The following BMAL1 variants were observed in gnomAD, a reference collection of about 807,000 sequenced individuals.
BMAL1 encodes basic helix-loop-helix ARNT-like protein 1.
At chr11:13,313,363 C>T in the BMAL1 span, among the ~76,000 whole-genome samples, 2 of 152,150 alleles carry the variant, frequency 1.3e-5, no homozygotes, top group Non-Finnish European at 2.9e-5. Flanking sequence ...TCACCTCTGT[C>T]TTGAAGACAC....
chr11:13,319,035 C>G, the BMAL1 span, among the ~76,000 whole-genome samples: 27 of 152,256 alleles, frequency 1.8e-4, no homozygotes, highest in African/African-American at 6.3e-4. Context: ...TCTCTCCACC[C>G]CTACCCTTTG....
the BMAL1 span, among the ~76,000 whole-genome samples, chr11:13,359,492 T>C: frequency 6.6e-6 from 1 of 152,254 alleles, no homozygotes; most frequent in African/African-American, 2.4e-5. Flanking sequence ...TAACATGGGT[T>C]AAATTATTAT....
the BMAL1 span, among the ~76,000 whole-genome samples, chr11:13,359,011 CT>C: frequency 1.3e-5 from 2 of 152,188 alleles, no homozygotes; most frequent in Admixed American, 6.5e-5. Flanking sequence ...ATCATGGTTC[CT>C]TTGAAAAGTG....
chr11:13,292,663 G>C, the BMAL1 span, among the ~76,000 whole-genome samples: 1 of 152,148 alleles, frequency 6.6e-6, no homozygotes, highest in Non-Finnish European at 1.5e-5. Flanking sequence ...TGGGATACCA[G>C]GTGAGTCCCT....
chr11:13,363,694 G>A, the BMAL1 span, among the ~76,000 whole-genome samples: 6 of 152,182 alleles, frequency 3.9e-5, no homozygotes, highest in Non-Finnish European at 7.3e-5. Flanking sequence ...CAATGTCTAC[G>A]TTAGTCTACT....
chr11:13,291,102 G>C, the BMAL1 span, among the ~76,000 whole-genome samples: 1 of 152,204 alleles, frequency 6.6e-6, no homozygotes, highest in African/African-American at 2.4e-5. Flanking sequence ...CTGTAGGTCA[G>C]TTTTTCAAAG....
the BMAL1 span, chr11:13,358,408 A>C: frequency 6.7e-7 from 1 of 1,490,194 alleles, no homozygotes; most frequent in Non-Finnish European, 9.0e-7. Context: ...ATTTTATAAG[A>C]AATCGTTTTT....
chr11:13,357,126 G>A, the BMAL1 span: 1,675 of 1,613,642 alleles, frequency 1.0e-3, 27 homozygotes, highest in Non-Finnish European at 2.5e-4. This position sits in a 1 kb window ranked among gnomAD's most constrained non-coding sequence, Gnocchi z 4.8. Flanking sequence ...TGTCTACAAA[G>A]CATCCTAGTT....
chr11:13,280,364 A>G, the BMAL1 span, among the ~76,000 whole-genome samples: 1 of 152,258 alleles, frequency 6.6e-6, no homozygotes, highest in Non-Finnish European at 1.5e-5. Context: ...TTTATATGCT[A>G]AAAGATGGAG....
chr11:13,307,474 T>C, the BMAL1 span, among the ~76,000 whole-genome samples: 1 of 152,160 alleles, frequency 6.6e-6, no homozygotes, highest in Non-Finnish European at 1.5e-5. Context: ...GATAGAGTCC[T>C]AGAGATGTTA....
the BMAL1 span, chr11:13,356,596 T>C: frequency 7.7e-6 from 7 of 907,494 alleles, no homozygotes; most frequent in African/African-American, 1.2e-4. Context: ...TTACCCTTAT[T>C]ATACATCATT....
chr11:13,307,727 G>T, the BMAL1 span, among the ~76,000 whole-genome samples: 1 of 152,212 alleles, frequency 6.6e-6, no homozygotes, highest in Non-Finnish European at 1.5e-5. Context: ...TCCCTTTAAA[G>T]AGCTTCCTTT....
chr11:13,348,115 G>GT, the BMAL1 span, among the ~76,000 whole-genome samples: 1 of 152,224 alleles, frequency 6.6e-6, no homozygotes, highest in Non-Finnish European at 1.5e-5. Flanking sequence ...ATACAGCTCT[G>GT]AAGGCTTCTC....
chr11:13,355,011 G>A, the BMAL1 span: 1 of 400,328 alleles, frequency 2.5e-6, no homozygotes. Context: ...TTTCGTTTGA[G>A]TAAGTAAATT....
the BMAL1 span, among the ~76,000 whole-genome samples, chr11:13,306,204 G>T: frequency 6.6e-6 from 1 of 152,100 alleles, no homozygotes; most frequent in Admixed American, 6.5e-5. Flanking sequence ...GCTCCGTTCT[G>T]TAGGTGCAGG....
the BMAL1 span, among the ~76,000 whole-genome samples, chr11:13,363,112 T>C: frequency 7.4e-6 from 1 of 135,102 alleles, no homozygotes; most frequent in Admixed American, 7.7e-5. Context: ...AGAAAAAGAA[T>C]CTATGTCTTT....
At chr11:13,371,463 T>C in the BMAL1 span, among the ~76,000 whole-genome samples, 1 of 152,222 alleles carries the variant, frequency 6.6e-6, no homozygotes, top group Non-Finnish European at 1.5e-5. Context: ...ACTGCCATAG[T>C]TCAGTCCTCC....
At chr11:13,339,741 CCTTT>C in the BMAL1 span, among the ~76,000 whole-genome samples, 1 of 152,158 alleles carries the variant, frequency 6.6e-6, no homozygotes, top group South Asian at 2.1e-4. Flanking sequence ...CTCCTTGGGG[CCTTT>C]CTAACTGCCT....
At chr11:13,291,771 CAT>C in the BMAL1 span, among the ~76,000 whole-genome samples, 18 of 133,550 alleles carry the variant, frequency 1.3e-4, no homozygotes, top group African/African-American at 4.9e-4. Context: ...TAAAAGGTCA[CAT>C]GATTGGTTGT....
Sources: allele counts gnomAD v4.1 joint callset (sites outside exome capture counted in the v4.1 genomes callset), GRCh38; gene constraint gnomAD v4.1.1; non-coding constraint Gnocchi (gnomAD v3.1); transcripts MANE v1.5; gene names NCBI Gene and HGNC (gene_info 2026-07-23, HGNC 2026-07-21).